Variants in MAP4K2 observed in about 807,000 individuals in gnomAD.
MAP4K2 encodes the protein B lymphocyte serine/threonine protein kinase.
In MAP4K2, 85 loss-of-function variants were observed where a neutral mutation model predicts 125.3. The observed-to-expected ratio is 0.68, with a 90% CI of 0.57 to 0.81. The LOEUF (loss-of-function observed/expected upper bound fraction) is 0.81. Ranked by LOEUF, MAP4K2 falls within the 40% of genes least tolerant of loss-of-function variation. The pLI is 0.00. For synonymous variants in MAP4K2, 479 were observed against 445.1 expected, an observed-to-expected ratio of 1.08 and a Z score of -0.96; for missense variants, 923 against 1,056.4, an observed-to-expected ratio of 0.87 and a Z score of 1.75.
At chr11:64,796,176 G>A (rs560624296) in intron 24 of MAP4K2, 97 bp downstream of exon 24, 50 of 1,127,054 alleles carry the variant, frequency 4.4e-5, no homozygotes, top group Non-Finnish European at 5.4e-5. Flanking sequence ...GAGACAACAC[G>A]TCTAAGATTG....
chr11:64,787,046 T>TC lies in MAP4K2; in HGVS notation c.*2490_*2491insG, dbSNP rs1420918620. 4 of 150,112 alleles carry TC rather than the reference T, an allele frequency of 2.7e-5. No homozygotes were observed. Among genetic ancestry groups the TC allele is most frequent in the African/African-American group, 9.8e-5 (4 of 40,864 alleles). 9.3% of individuals were successfully genotyped at this position (150,112 alleles called of 1,614,324 possible). On this transcript the variant is annotated 3_prime_UTR_variant, in exon 32 of 32. Coordinates refer to ENST00000294066, the MANE Select transcript of MAP4K2 (RefSeq NM_004579.5). ...ATATTTTTTTCTCTTTTTTTTTTTT[T>TC]TGAGACGGAGTCTTGCACTGTCGCC...
At position 64,799,423 on chromosome 11, in the gene MAP4K2, G is replaced by A. The variant is rs761308952; in HGVS notation, c.1051C>T (p.Pro351Ser). 6.2e-7 allele frequency: 1 copy of A among 1,612,484 alleles called. No homozygotes were observed. The highest frequency in any genetic ancestry group is 8.5e-7 in the Non-Finnish European group (1 of 1,179,508). The part of the protein sequence containing the change: ...RRKETDPLNE[P>S]WEEEWTLLGK... ...CCCCTCAAGGCCTGCCCACTCACCG[G>A]CTCATTCAGTGGGTCAGTTTCCTTC... Residue 351 changes from proline (P) to serine (S), a missense_variant and splice_region_variant, in exon 14 of 32, where the codon CCG becomes TCG. Physicochemically the swap from Pro to Ser is moderately conservative, Grantham distance 74. Transcript: ENST00000294066.
intron 24 of MAP4K2, among the ~76,000 whole-genome samples, chr11:64,795,373 C>T (rs769708079): frequency 1.3e-5 from 2 of 151,938 alleles, no homozygotes; most frequent in African/African-American, 4.8e-5. Context: ...TGAGCCACTG[C>T]GCCTGGCCCC....
Position 64,786,020 on chromosome 11 carries a change from C to T in MAP4K2, c.*3517G>A, listed in dbSNP as rs1322525230. 1 of 152,160 alleles carries T rather than the reference C, an allele frequency of 6.6e-6. No individual in the cohort carries two copies. The highest frequency in any genetic ancestry group is 2.4e-5 in the African/African-American group (1 of 41,428). The allele number at this position is 152,160 out of a possible 1,614,324, so 9.4% of individuals were successfully genotyped here. A position where few individuals can be genotyped will look rare whatever the true frequency, so the allele number is the denominator to read the frequency against. ...CCTGAGAGCTAAGATATTACCAATA[C>T]CTTTAAAAATTCCTGGGCTCCTTCC... is the stretch of plus-strand genomic sequence containing the variant. On this transcript the variant is annotated 3_prime_UTR_variant, in exon 32 of 32. Coordinates refer to ENST00000294066, the MANE Select transcript of MAP4K2 (RefSeq NM_004579.5).
At position 64,802,570 on chromosome 11, in the gene MAP4K2, A is replaced by G. The variant is rs1941277151; in HGVS notation, c.238T>C (p.Tyr80His). ...HPNVVAYIGSYLRNDRLWICM... is the reference protein window; with the variant it reads ...HPNVVAYIGSHLRNDRLWICM... ...AGGATAAGGCAGCCTCACCTGAGGT[A>G]GCTGCCAATGTAGGCCACCACATTG... Residue 80 changes from tyrosine to histidine, a missense_variant, in exon 3 of 32, where the codon TAC becomes CAC. Tyr to His is a moderately conservative substitution (Grantham distance 83, BLOSUM62 2). Around this residue, in one of 2 missense-constraint regions of MAP4K2, gnomAD observed 833 missense variants for 911.4 expected, o/e 0.91. Transcript: ENST00000294066. The G allele has an allele frequency of 1.2e-5, 19 of 1,608,298 alleles. No individual in the cohort carries two copies. Among genetic ancestry groups the G allele is most frequent in the Non-Finnish European group, 1.4e-5 (16 of 1,177,496 alleles).
chr11:64,802,930 C>A lies in MAP4K2; in HGVS notation c.109G>T (p.Val37Phe), dbSNP rs766674993. 1 of 1,589,044 alleles carries A rather than the reference C, an allele frequency of 6.3e-7. No homozygotes were observed. The highest frequency in any genetic ancestry group is 1.3e-5 in the African/African-American group (1 of 74,158). ...TTCACGGCGGCCAGTTCGGACGTGA[C>A]CGTGTCGCGGGCCTGCAGGGGCGGA... ...YGDVYKARDTVTSELAAVKIV... is the reference protein window; with the variant it reads ...YGDVYKARDTFTSELAAVKIV... Residue 37 changes from valine (V) to phenylalanine (F), a missense_variant, in exon 2 of 32, where the codon GTC (valine) becomes TTC (phenylalanine). By Grantham distance (50) the Val-to-Phe change is conservative. Around this residue, in one of 2 missense-constraint regions of MAP4K2, gnomAD observed 833 missense variants for 911.4 expected, o/e 0.91. Transcript: ENST00000294066.
intron 6 of MAP4K2, 31 bp downstream of exon 6, chr11:64,801,679 T>A (rs1323464779): frequency 6.2e-7 from 1 of 1,613,574 alleles, no homozygotes; most frequent in Non-Finnish European, 8.5e-7. Flanking sequence ...TCCTCCTCCC[T>A]CCCCAGGAGT....
At chr11:64,792,771 T>C (rs1462513734) in intron 24 of MAP4K2, among the ~76,000 whole-genome samples, 1 of 152,134 alleles carries the variant, frequency 6.6e-6, no homozygotes, top group East Asian at 1.9e-4. Context: ...AGAGTCACAG[T>C]GAAGGCTTCA....
chr11:64,798,987 T>C (rs1565621062), intron 14 of MAP4K2, 150 bp from the exon 15 acceptor site: 1 of 703,644 alleles, frequency 1.4e-6, no homozygotes, highest in Non-Finnish European at 2.4e-6. Context: ...AGACAGACAG[T>C]GGGAGGCAGA....
At chr11:64,794,798 C>T (rs568052876) in intron 24 of MAP4K2, among the ~76,000 whole-genome samples, 5 of 152,176 alleles carry the variant, frequency 3.3e-5, no homozygotes, top group Non-Finnish European at 7.3e-5. Context: ...TTTCGAACCT[C>T]CCAAGCTTGC....
In MAP4K2 at chr11:64,789,264, C is replaced by T. The variant is rs1940330604; in HGVS notation, c.*273G>A. ...TGTGGAACAAAATGGAATGGATGGCCCAGGCCCAGGGTCCCTGCCTTGGGC... is the reference window on the plus strand; with the variant it reads ...TGTGGAACAAAATGGAATGGATGGCTCAGGCCCAGGGTCCCTGCCTTGGGC... On this transcript the variant is annotated 3_prime_UTR_variant, in exon 32 of 32. Coordinates refer to ENST00000294066, the MANE Select transcript of MAP4K2 (RefSeq NM_004579.5). The T allele has an allele frequency of 3.8e-6, 2 of 522,552 alleles. No individual in the cohort carries two copies. Among genetic ancestry groups the T allele is most frequent in the African/African-American group, 1.9e-5 (1 of 52,406 alleles). The allele number at this position is 522,552 out of a possible 1,614,324, so 32.4% of individuals were successfully genotyped here. A position where few individuals can be genotyped will look rare whatever the true frequency, so the allele number is the denominator to read the frequency against.
rs1940247831 is a variant in MAP4K2 at position 64,787,543 on chromosome 11, T to C, written c.*1994A>G. ...GCTGTATTTAAAAAAATATGTACCATGGGCAAAGGTTACGCATTTAAAAAT... is the reference window on the plus strand; with the variant it reads ...GCTGTATTTAAAAAAATATGTACCACGGGCAAAGGTTACGCATTTAAAAAT... On this transcript the variant is annotated 3_prime_UTR_variant, in exon 32 of 32. Coordinates refer to ENST00000294066, the MANE Select transcript of MAP4K2 (RefSeq NM_004579.5). The C allele has an allele frequency of 6.6e-6, 1 of 152,196 alleles. No homozygotes were observed. The highest frequency in any genetic ancestry group is 6.5e-5 in the Admixed American group (1 of 15,282). 9.4% of individuals were successfully genotyped at this position (152,196 alleles called of 1,614,324 possible).
Position 64,792,597 on chromosome 11 carries a change from C to T in MAP4K2, c.1752-175G>A, listed in dbSNP as rs902845448. 3.3e-5 allele frequency among the ~76,000 whole-genome samples: 5 copies of T among 152,174 alleles called. 1 individual carries two copies. The highest frequency in any genetic ancestry group is 1.2e-4 in the African/African-American group (5 of 41,440). ...CTGGGAAAGGTGGAGGATCTGAAGC[C>T]AGTCTCCCAGCCCTGAAGCCAGGAG... On this transcript the variant is annotated intron_variant, in intron 24 of 31. Transcript: ENST00000294066.
In MAP4K2 at chr11:64,796,925, T is replaced by C. The variant is rs752522648; in HGVS notation, c.1408-32A>G. On this transcript the variant is annotated intron_variant, in intron 20 of 31. Coordinates refer to ENST00000294066, the MANE Select transcript of MAP4K2 (RefSeq NM_004579.5). ...AGGAGGCAAGAGGCTGGCGAGGGAG[T>C]GCAGGGGTGGTGGGTGGCAGGGCTG... The C allele has an allele frequency of 3.1e-6, 5 of 1,613,536 alleles. No homozygotes were observed. The South Asian group carries it at 4.4e-5, about 14-fold the overall frequency.
chr11:64,802,752 G>A (rs1336367719), intron 2 of MAP4K2, 99 bp from the exon 3 acceptor site: 9 of 1,466,332 alleles, frequency 6.1e-6, no homozygotes, highest in Non-Finnish European at 8.4e-6. Flanking sequence ...CTCCGGGCCA[G>A]GCAGGTGCAG....
intron 25 of MAP4K2, 33 bp downstream of exon 25, chr11:64,792,331 G>GGCCCCCC: frequency 1.4e-5 from 22 of 1,535,420 alleles, no homozygotes; most frequent in East Asian, 2.4e-5. Flanking sequence ...CCCCCACCAG[G>GGCCCCCC]CCCCGCCCCA....
rs1365290491 is a variant in MAP4K2 at position 64,796,487 on chromosome 11, T to G, written c.1633+6A>C. ...ACCCTGCCTCCCTGCCCATCCCACC[T>G]TGTACCTGAGAGTGACAGCAGCACG... On this transcript the variant is annotated splice_donor_region_variant and intron_variant, in intron 23 of 31. Coordinates refer to ENST00000294066, the MANE Select transcript of MAP4K2 (RefSeq NM_004579.5). The G allele has an allele frequency of 1.9e-6, 3 of 1,613,798 alleles. No individual in the cohort carries two copies. Among genetic ancestry groups the G allele is most frequent in the East Asian group, 2.2e-5 (1 of 44,898 alleles).
At chr11:64,794,348 G>A (rs1340602015) in intron 24 of MAP4K2, among the ~76,000 whole-genome samples, 1 of 141,866 alleles carries the variant, frequency 7.0e-6, no homozygotes, top group East Asian at 2.0e-4. Flanking sequence ...GAATCTGACT[G>A]TTTTTCTCTT....
intron 15 of MAP4K2, among the ~76,000 whole-genome samples, chr11:64,797,883 T>A (rs1940923287): frequency 6.6e-6 from 1 of 151,588 alleles, no homozygotes; most frequent in Non-Finnish European, 1.5e-5. Context: ...TTTTTTGTAT[T>A]TTTAGTACAG....
Sources: allele counts gnomAD v4.1 joint callset (sites outside exome capture counted in the v4.1 genomes callset), GRCh38; gene constraint gnomAD v4.1.1; regional missense constraint gnomAD v4.1.1; transcripts MANE v1.5; gene names NCBI Gene and HGNC (gene_info 2026-07-23, HGNC 2026-07-21).